FHL5: variants seen among roughly 807,000 people sequenced by gnomAD.
FHL5 encodes the protein four and a half LIM domains protein 5.
A neutral mutation model predicts 32.0 loss-of-function variants in FHL5; 33 were observed. The ratio of observed to expected loss-of-function variants is 1.03; its 90% CI spans 0.78 to 1.38. The LOEUF is 1.38. Among genes scored for constraint, FHL5 ranks in the 40% most tolerant of loss-of-function variants. The probability of loss-of-function intolerance (pLI) is 0.00; values close to 1 mark genes in which losing one functional copy is unlikely to be tolerated. For missense variants in FHL5, 336 were observed against 343.9 expected (o/e 0.98, Z 0.18); for synonymous variants, 114 against 113.6 (o/e 1.00, Z -0.02).
chr6:96,594,227 T>TTTTA (rs1770981559), intron 1 of FHL5, among the ~76,000 whole-genome samples: 2 of 66,882 alleles, frequency 3.0e-5, no homozygotes, highest in African/African-American at 6.8e-5. Context: ...ATATTAGAAT[T>TTTTA]TATATATATA....
chr6:96,594,225 ATT>A (rs1237735150), intron 1 of FHL5, among the ~76,000 whole-genome samples: 7 of 90,292 alleles, frequency 7.8e-5, no homozygotes, highest in East Asian at 3.6e-4. Context: ...AAATATTAGA[ATT>A]TATATATATA....
At chr6:96,607,727 A>T (rs1375706421) in intron 4 of FHL5, among the ~76,000 whole-genome samples, 4 of 152,260 alleles carry the variant, frequency 2.6e-5, no homozygotes, top group Non-Finnish European at 5.9e-5. Context: ...TCACGTCTGT[A>T]ATCCCAACAC....
intron 3 of FHL5, 90 bp downstream of exon 3, chr6:96,605,014 A>C: frequency 2.2e-6 from 2 of 927,478 alleles, no homozygotes; most frequent in Non-Finnish European, 3.1e-6. Flanking sequence ...AGCTCCCAAA[A>C]CCCTGGTTTT....
chr6:96,568,777 A>AT (rs1328271862), intron 1 of FHL5, among the ~76,000 whole-genome samples: 9 of 151,826 alleles, frequency 5.9e-5, no homozygotes, highest in African/African-American at 2.2e-4. Flanking sequence ...GTCTCTGATA[A>AT]TTTTTTGTAT....
chr6:96,606,523 T>A (rs571284384), intron 4 of FHL5, among the ~76,000 whole-genome samples: 1 of 152,252 alleles, frequency 6.6e-6, no homozygotes, highest in South Asian at 2.1e-4. Context: ...AGCTAATTTT[T>A]GTATTTTTAG....
At position 96,604,933 on chromosome 6, in the gene FHL5, T is replaced by C; in HGVS notation, c.334+9T>C. ...GAGGACCATCATGCCTGGTAGGGTC[T>C]CAAGGGGGCTCCTGTCTCTAACTGA... On this transcript the variant is annotated intron_variant, in intron 3 of 5. Transcript: ENST00000450218. The C allele has an allele frequency of 6.3e-7, 1 of 1,583,650 alleles. No individual in the cohort carries two copies. The highest frequency in any genetic ancestry group is 8.6e-7 in the Non-Finnish European group (1 of 1,162,764).
intron 1 of FHL5, among the ~76,000 whole-genome samples, chr6:96,598,810 GCAGA>G (rs1013999681): frequency 4.6e-5 from 7 of 152,120 alleles, no homozygotes; most frequent in Non-Finnish European, 8.8e-5. Flanking sequence ...TAAGCTCTCT[GCAGA>G]CAGTGTGTCT....
intron 1 of FHL5, among the ~76,000 whole-genome samples, chr6:96,601,055 G>A (rs990752100): frequency 6.6e-6 from 1 of 152,206 alleles, no homozygotes; most frequent in African/African-American, 2.4e-5. Context: ...CTTTCCAGAG[G>A]CCAGGCGCGG....
In FHL5 at chr6:96,618,033, G is replaced by C. The variant is rs115758381; in HGVS notation, c.*2261G>C. Among the ~76,000 whole-genome samples the C allele has an allele frequency of 0.016, 2,390 of 152,268 alleles. 70 individuals carry two copies. Among genetic ancestry groups the C allele is most frequent in the African/African-American group, 0.055 (2,268 of 41,554 alleles). On this transcript the variant is annotated 3_prime_UTR_variant, in exon 6 of 6. Coordinates refer to ENST00000450218, the MANE Select transcript of FHL5 (RefSeq NM_001322466.2). Reference sequence around the variant, plus strand: ...TGGATCATGGTATGGAAATGCAGAAGTGCCTGATGCAAAGATCCTTGCCTG... The same window carrying C: ...TGGATCATGGTATGGAAATGCAGAACTGCCTGATGCAAAGATCCTTGCCTG...
chr6:96,610,518 G>T (rs1425618022), intron 4 of FHL5, 54 bp from the exon 5 acceptor site: 11 of 1,302,204 alleles, frequency 8.4e-6, no homozygotes, highest in South Asian at 1.3e-5. Context: ...ATCATGAAAT[G>T]ATCTGAATTG....
intron 1 of FHL5, among the ~76,000 whole-genome samples, chr6:96,569,313 T>C (rs566980607): frequency 6.6e-6 from 1 of 152,084 alleles, no homozygotes; most frequent in Admixed American, 6.5e-5. Context: ...ATTGATATGA[T>C]TTCTATTAAA....
At chr6:96,585,868 C>A (rs1770786870) in intron 1 of FHL5, among the ~76,000 whole-genome samples, 1 of 152,118 alleles carries the variant, frequency 6.6e-6, no homozygotes, top group African/African-American at 2.4e-5. Flanking sequence ...AACATGTAAT[C>A]TATAGCAGGA....
intron 5 of FHL5, among the ~76,000 whole-genome samples, chr6:96,613,829 T>G (rs923894762): frequency 2.6e-5 from 4 of 152,204 alleles, no homozygotes; most frequent in Non-Finnish European, 5.9e-5. Context: ...AAAGTGGGGC[T>G]GATGCTAATA....
At chr6:96,569,894 C>T (rs1770439860) in intron 1 of FHL5, among the ~76,000 whole-genome samples, 1 of 151,118 alleles carries the variant, frequency 6.6e-6, no homozygotes, top group Non-Finnish European at 1.5e-5. Flanking sequence ...TGTTTACAGC[C>T]AAGGTTATTA....
At chr6:96,573,638 C>T (rs2127960002) in intron 1 of FHL5, among the ~76,000 whole-genome samples, 1 of 150,228 alleles carries the variant, frequency 6.7e-6, no homozygotes, top group African/African-American at 2.5e-5. Context: ...TCTCCTGCCT[C>T]AGCCTCCCTA....
chr6:96,592,669 T>C (rs1435186575), intron 1 of FHL5, among the ~76,000 whole-genome samples: 1 of 152,176 alleles, frequency 6.6e-6, no homozygotes, highest in Non-Finnish European at 1.5e-5. Flanking sequence ...GAGATTGCAG[T>C]AAAGACAGGC....
intron 1 of FHL5, among the ~76,000 whole-genome samples, chr6:96,576,442 T>C (rs1188237788): frequency 6.6e-6 from 1 of 152,220 alleles, no homozygotes; most frequent in Admixed American, 6.5e-5. Context: ...GCCAGGTCCT[T>C]ATCTTGCAGA....
In FHL5 at chr6:96,565,073, A is replaced by G. The variant is rs150021653; in HGVS notation, c.-13+1718A>G. 3.7e-3 allele frequency among the ~76,000 whole-genome samples: 561 copies of G among 151,698 alleles called. 3 individuals carry two copies. Among genetic ancestry groups the G allele is most frequent in the African/African-American group, 0.013 (528 of 41,040 alleles). On this transcript the variant is annotated intron_variant, in intron 1 of 5. Transcript: ENST00000450218. ...GGTTCAAGACCAGCTGGGGCAATAT[A>G]GGGAGACTCTATTTAAAATAAAAAT... is the stretch of plus-strand genomic sequence containing the variant.
chr6:96,604,956 T>C (rs1193830240), intron 3 of FHL5, 32 bp downstream of exon 3: 5 of 1,522,444 alleles, frequency 3.3e-6, no homozygotes, highest in Non-Finnish European at 4.4e-6. Context: ...TGTCTCTAAC[T>C]GAAGCTGTGA....
Sources: allele counts gnomAD v4.1 joint callset (sites outside exome capture counted in the v4.1 genomes callset), GRCh38; gene constraint gnomAD v4.1.1; transcripts MANE v1.5; gene names NCBI Gene and HGNC (gene_info 2026-07-23, HGNC 2026-07-21).